LRBA: variants seen among roughly 807,000 people sequenced by gnomAD.
LRBA encodes the protein lipopolysaccharide-responsive and beige-like anchor protein.
In LRBA, 176 loss-of-function variants were observed where a neutral mutation model predicts 330.0. The ratio of observed to expected loss-of-function variants is 0.53; its 90% CI spans 0.47 to 0.60. LRBA has a LOEUF of 0.60. Ranked by LOEUF, LRBA falls within the 20% of genes least tolerant of loss-of-function variation. The pLI is 0.00. For missense variants in LRBA, 3,259 were observed against 3,444.8 expected, an observed-to-expected ratio of 0.95 and a Z score of 1.35; for synonymous variants, 1,230 against 1,193.0, an observed-to-expected ratio of 1.03 and a Z score of -0.64.
intron 46 of LRBA, among the ~76,000 whole-genome samples, chr4:150,421,535 C>G (rs1446570588): frequency 1.3e-5 from 2 of 151,762 alleles, no homozygotes; most frequent in African/African-American, 4.8e-5. Context: ...AAAAAAGAAA[C>G]CACATTTATT....
intron 40 of LRBA, chr4:150,582,807 A>G (rs1242020123): frequency 2.1e-6 from 1 of 484,540 alleles, no homozygotes; most frequent in Non-Finnish European, 3.6e-6. Flanking sequence ...TTCTCCCCTA[A>G]TTCTTCTGCA....
chr4:150,421,509 A>G (rs1748795063), intron 46 of LRBA, among the ~76,000 whole-genome samples: 1 of 151,972 alleles, frequency 6.6e-6, no homozygotes, highest in African/African-American at 2.4e-5. Flanking sequence ...AGGGTGATGT[A>G]GCACATCATT....
intron 28 of LRBA, among the ~76,000 whole-genome samples, chr4:150,834,142 A>G (rs960112255): frequency 6.6e-6 from 1 of 152,196 alleles, no homozygotes; most frequent in Non-Finnish European, 1.5e-5. Flanking sequence ...ATGAACTCCT[A>G]AAAGTCATCC....
At chr4:150,325,709 A>C (rs1453065120) in intron 49 of LRBA, 100 bp downstream of exon 49, 8 of 813,874 alleles carry the variant, frequency 9.8e-6, no homozygotes, top group East Asian at 2.5e-5. Flanking sequence ...AAACAAACCC[A>C]CATATGGTGG....
intron 2 of LRBA, among the ~76,000 whole-genome samples, chr4:151,005,370 G>A (rs1314660299): frequency 1.4e-5 from 2 of 147,596 alleles, no homozygotes; most frequent in African/African-American, 2.5e-5. Context: ...CCCGGGAGGC[G>A]GAGGTTGCAG....
At chr4:150,566,337 T>C (rs536090673) in intron 40 of LRBA, among the ~76,000 whole-genome samples, 75 of 152,268 alleles carry the variant, frequency 4.9e-4, no homozygotes, top group African/African-American at 1.6e-3. Flanking sequence ...ACCATTTCAA[T>C]TCTCCTTTAA....
intron 30 of LRBA, among the ~76,000 whole-genome samples, chr4:150,826,067 G>T (rs1362925464): frequency 6.6e-6 from 1 of 152,114 alleles, no homozygotes; most frequent in African/African-American, 2.4e-5. Flanking sequence ...GTGGGTACAG[G>T]ATTGTTATAA....
chr4:150,410,094 AT>A (rs113473216), intron 47 of LRBA, among the ~76,000 whole-genome samples: 11 of 150,060 alleles, frequency 7.3e-5, no homozygotes, highest in Admixed American at 1.3e-4. Flanking sequence ...AATTCCAAAA[AT>A]TTTTTTTTTT....
At chr4:150,839,206 TTGAA>T (rs1476183361) in intron 28 of LRBA, among the ~76,000 whole-genome samples, 1 of 152,136 alleles carries the variant, frequency 6.6e-6, no homozygotes, top group Non-Finnish European at 1.5e-5. Flanking sequence ...TCACACCGGT[TTGAA>T]TGGCGATCAT....
chr4:150,805,055 A>G (rs1030404628), intron 33 of LRBA, among the ~76,000 whole-genome samples: 31 of 152,182 alleles, frequency 2.0e-4, no homozygotes, highest in Admixed American at 2.0e-3. Flanking sequence ...ATTATCCTCT[A>G]TTGAACTGCA....
chr4:150,574,875 T>A (rs1016082275), intron 40 of LRBA, among the ~76,000 whole-genome samples: 7 of 152,050 alleles, frequency 4.6e-5, no homozygotes, highest in African/African-American at 1.7e-4. Flanking sequence ...TGTGTGTACA[T>A]AGCTGATAGC....
chr4:150,943,747 C>T (rs1735927112), intron 2 of LRBA, among the ~76,000 whole-genome samples: 1 of 152,090 alleles, frequency 6.6e-6, no homozygotes, highest in African/African-American at 2.4e-5. Flanking sequence ...AAAATATGAG[C>T]AAATAAAATC....
chr4:150,639,801 A>T (rs1288818160), intron 37 of LRBA, among the ~76,000 whole-genome samples: 1 of 4,660 alleles, frequency 2.1e-4, no homozygotes, highest in African/African-American at 7.1e-4. Flanking sequence ...GTATATATAT[A>T]TATATGTGTG....
intron 37 of LRBA, among the ~76,000 whole-genome samples, chr4:150,625,858 C>T (rs1354056002): frequency 6.6e-6 from 1 of 151,762 alleles, no homozygotes; most frequent in African/African-American, 2.4e-5. Context: ...TACAGGCACC[C>T]ACCACCACAC....
rs776962399 is a variant in LRBA at position 150,415,438 on chromosome 4, C to T, written c.7194G>A (p.Leu2398=). ...TSEEFVHINR[L]ALESEFVSCQ... is the part of the protein sequence containing the mutation. ...ACAGAGTAGATGATTATTATCTTAC[C>T]AATCTGTTTATGTGAACAAATTCTT... The change falls in exon 47 of 57, where the codon TTG becomes TTA. Residue 2398 remains leucine, a splice_region_variant and synonymous_variant. Coordinates refer to ENST00000651943, the MANE Select transcript of LRBA (RefSeq NM_001364905.1). 6.2e-7 allele frequency: 1 copy of T among 1,612,082 alleles called. No homozygotes were observed. Among genetic ancestry groups the T allele is most frequent in the South Asian group, 1.1e-5 (1 of 90,620 alleles).
intron 2 of LRBA, among the ~76,000 whole-genome samples, chr4:150,959,463 G>A (rs1737898031): frequency 6.7e-6 from 1 of 149,252 alleles, no homozygotes; most frequent in South Asian, 2.1e-4. Context: ...CATAAAAATA[G>A]CAGAAACATG....
chr4:150,546,465 A>C (rs1205365716), intron 40 of LRBA, among the ~76,000 whole-genome samples: 2 of 152,216 alleles, frequency 1.3e-5, no homozygotes, highest in Non-Finnish European at 2.9e-5. Flanking sequence ...AATACGGATT[A>C]AACTTTCTTT....
At chr4:150,893,245 T>C in intron 16 of LRBA, 96 bp from the exon 17 acceptor site, 1 of 663,328 alleles carries the variant, frequency 1.5e-6, no homozygotes, top group South Asian at 2.0e-5. Context: ...ACATTAGAAA[T>C]ATAAGTAGAC....
chr4:150,527,951 T>A (rs918208224), intron 40 of LRBA, among the ~76,000 whole-genome samples: 1 of 152,236 alleles, frequency 6.6e-6, no homozygotes, highest in Non-Finnish European at 1.5e-5. Context: ...CCAGCAATGA[T>A]TTCCCATTGG....
Sources: allele counts gnomAD v4.1 joint callset (sites outside exome capture counted in the v4.1 genomes callset), GRCh38; gene constraint gnomAD v4.1.1; transcripts MANE v1.5; gene names NCBI Gene and HGNC (gene_info 2026-07-23, HGNC 2026-07-21).